The following TNRC18 variants were observed in gnomAD, a reference collection of about 807,000 sequenced individuals.
TNRC18 encodes trinucleotide repeat containing 18, also known as trinucleotide repeat-containing gene 18 protein.
TNRC18 carries 69 observed loss-of-function variants against 226.7 expected under a neutral mutation model. That is an observed-to-expected ratio of 0.30 (90% CI 0.25 to 0.37). The LOEUF is 0.37. Among genes scored for constraint, TNRC18 ranks in the 10% least tolerant of loss-of-function variants. The probability of loss-of-function intolerance (pLI) is 1.00; values close to 1 mark genes in which losing one functional copy is unlikely to be tolerated. For missense variants in TNRC18, 4,754 were observed against 4,256.6 expected, an observed-to-expected ratio of 1.12 and a Z score of -3.25; for synonymous variants, 2,449 against 1,927.6, an observed-to-expected ratio of 1.27 and a Z score of -7.09.
At chr7:5,420,680 G>A (rs533502933) in intron 2 of TNRC18, 9 of 494,044 alleles carry the variant, frequency 1.8e-5, no homozygotes, top group Non-Finnish European at 2.0e-5. Context: ...AAAAAGATTC[G>A]AGCTCGGGGA....
At chr7:5,400,615 T>A (rs1433844258) in intron 2 of TNRC18, among the ~76,000 whole-genome samples, 1 of 151,888 alleles carries the variant, frequency 6.6e-6, no homozygotes. Flanking sequence ...CTCTCTCAAA[T>A]AAATAAATAT....
At chr7:5,369,503 C>G (rs1240743145) in intron 11 of TNRC18, among the ~76,000 whole-genome samples, 2 of 152,154 alleles carry the variant, frequency 1.3e-5, no homozygotes, top group African/African-American at 4.8e-5. Context: ...CAGACCACCC[C>G]CCACCCCAGT....
intron 18 of TNRC18, 37 bp downstream of exon 18, chr7:5,345,525 C>CCCCCCCCCCCCCCCCCCCCCCCCCA: frequency 1.8e-5 from 4 of 217,342 alleles, no homozygotes; most frequent in Non-Finnish European, 3.8e-5. Flanking sequence ...CCGCCCCTCC[C>CCCCCCCCCCCCCCCCCCCCCCCCCA]ACCCACCCCC....
At chr7:5,343,638 G>T (rs947612549) in intron 18 of TNRC18, among the ~76,000 whole-genome samples, 1 of 152,272 alleles carries the variant, frequency 6.6e-6, no homozygotes, top group South Asian at 2.1e-4. Context: ...TGTTGCCCAG[G>T]CCGGTCTTGA....
At chr7:5,374,941 T>C (rs892701947) in intron 9 of TNRC18, among the ~76,000 whole-genome samples, 2 of 152,204 alleles carry the variant, frequency 1.3e-5, no homozygotes, top group African/African-American at 2.4e-5. Context: ...AAGCCAGGCA[T>C]GTCTTTTATG....
At chr7:5,393,374 G>A (rs1307860550) in intron 3 of TNRC18, among the ~76,000 whole-genome samples, 1 of 152,260 alleles carries the variant, frequency 6.6e-6, no homozygotes, top group Non-Finnish European at 1.5e-5. Flanking sequence ...TCTGTACAAT[G>A]GGCAAAGTAC....
In TNRC18 at chr7:5,324,306, G is replaced by A; in HGVS notation, c.6350C>T (p.Ala2117Val). 6.2e-7 allele frequency: 1 copy of A among 1,613,548 alleles called. No individual in the cohort carries two copies. The highest frequency in any genetic ancestry group is 8.5e-7 in the Non-Finnish European group (1 of 1,179,702). ...AVSKLMESMA[A>V]EEDFEPNQDS... The stretch of plus-strand genomic sequence containing the variant: ...TTGGTTGGGTTCAAAGTCCTCCTCG[G>A]CTGCCATGCTCTCCATCAGCTTGCT... The change falls in exon 21 of 30, where the codon GCC becomes GTC. Residue 2117 changes from alanine to valine, a missense_variant. Transcript: ENST00000430969. The surrounding 1 kb of genome is among the most constrained non-coding windows in gnomAD (Gnocchi z 4.8).
At chr7:5,379,511 C>T (rs1779249313) in intron 5 of TNRC18, among the ~76,000 whole-genome samples, 1 of 147,344 alleles carries the variant, frequency 6.8e-6, no homozygotes, top group Non-Finnish European at 1.5e-5. Flanking sequence ...CTCACCCATC[C>T]CTGTCCCTCC....
At chr7:5,379,729 A>C (rs1484718965) in intron 5 of TNRC18, among the ~76,000 whole-genome samples, 4 of 152,230 alleles carry the variant, frequency 2.6e-5, no homozygotes, top group African/African-American at 9.6e-5. Flanking sequence ...AATGGGAGGA[A>C]GCTGAGCCCC....
In TNRC18 at chr7:5,309,314, C is replaced by T. The variant is rs775718886; in HGVS notation, c.8443G>A (p.Gly2815Ser). The change falls in exon 28 of 30, where the codon GGC becomes AGC. Residue 2815 changes from glycine to serine, a missense_variant. Coordinates refer to ENST00000430969, the MANE Select transcript of TNRC18 (RefSeq NM_001080495.3). This position sits in a 1 kb window ranked among gnomAD's most constrained non-coding sequence, Gnocchi z 5.7. ...TCCCCGATACGGATCATCTCCTTGC[C>T]GCGCACGATGGCCTTGTAGAAGAGC... ...RKLFYKAIVR[G>S]KEMIRIGDCA... is the part of the protein sequence containing the mutation. 6.8e-6 allele frequency: 11 copies of T among 1,613,764 alleles called. No homozygotes were observed. The highest frequency in any genetic ancestry group is 1.7e-5 in the Admixed American group (1 of 60,002).
At chr7:5,408,725 G>A (rs1781648026) in intron 2 of TNRC18, among the ~76,000 whole-genome samples, 1 of 152,130 alleles carries the variant, frequency 6.6e-6, no homozygotes, top group Non-Finnish European at 1.5e-5. Context: ...TGGAGAGTGG[G>A]GAAAAGAAAC....
intron 5 of TNRC18, among the ~76,000 whole-genome samples, chr7:5,385,993 A>AAC: frequency 6.7e-6 from 1 of 149,230 alleles, no homozygotes. Context: ...AAAAAAAAAA[A>AAC]AAAAAAAAAA....
chr7:5,415,095 TC>T (rs140261801), intron 2 of TNRC18, among the ~76,000 whole-genome samples: 21 of 152,214 alleles, frequency 1.4e-4, no homozygotes, highest in East Asian at 5.8e-4. Context: ...AGTTTAAAAT[TC>T]CAAGACCTCA....
chr7:5,331,624 T>G (rs1481952414), intron 19 of TNRC18, among the ~76,000 whole-genome samples: 1 of 152,090 alleles, frequency 6.6e-6, no homozygotes, highest in Non-Finnish European at 1.5e-5. Flanking sequence ...TTACACTGCT[T>G]CAGAAGTACA....
chr7:5,307,952 TC>T lies in TNRC18; in HGVS notation c.*153del. 1 of 667,436 alleles carries T rather than the reference TC, an allele frequency of 1.5e-6. No homozygotes were observed. Among genetic ancestry groups the T allele is most frequent in the South Asian group, 1.8e-5 (1 of 54,346 alleles). 41.3% of individuals were successfully genotyped at this position (667,436 alleles called of 1,614,324 possible). On this transcript the variant is annotated 3_prime_UTR_variant, in exon 30 of 30. Transcript: ENST00000430969. Reference sequence around the variant, plus strand: ...TGCACACACGTGCATGCACACACACTCACCCGGGCATCCACGTGCACACCTG... The same window carrying T: ...TGCACACACGTGCATGCACACACACTACCCGGGCATCCACGTGCACACCTG...
At position 5,312,394 on chromosome 7, in the gene TNRC18, G is replaced by A; in HGVS notation, c.8388+109C>T. Reference sequence around the variant, plus strand: ...AGTGGGACGCCAGCCCTCCACCCTGGGGTTCTGGGAGGTTACCACACACGG... The same window carrying A: ...AGTGGGACGCCAGCCCTCCACCCTGAGGTTCTGGGAGGTTACCACACACGG... On this transcript the variant is annotated intron_variant, in intron 27 of 29. Coordinates refer to ENST00000430969, the MANE Select transcript of TNRC18 (RefSeq NM_001080495.3). This position sits in a 1 kb window ranked among gnomAD's most constrained non-coding sequence, Gnocchi z 6.3. The A allele has an allele frequency of 1.4e-6, 2 of 1,445,784 alleles. No homozygotes were observed. Among genetic ancestry groups the A allele is most frequent in the East Asian group, 2.5e-5 (1 of 40,304 alleles). 89.6% of individuals were successfully genotyped at this position (1,445,784 alleles called of 1,614,324 possible).
chr7:5,382,281 T>C (rs1176403465), intron 5 of TNRC18, among the ~76,000 whole-genome samples: 1 of 152,066 alleles, frequency 6.6e-6, no homozygotes, highest in African/African-American at 2.4e-5. Flanking sequence ...CACAGGGCCC[T>C]CTCCAGCCAC....
At position 5,377,937 on chromosome 7, in the gene TNRC18, T is replaced by C; in HGVS notation, c.2240A>G (p.Gln747Arg). The C allele has an allele frequency of 1.2e-6, 2 of 1,613,570 alleles. No individual in the cohort carries two copies. The highest frequency in any genetic ancestry group is 1.7e-6 in the Non-Finnish European group (2 of 1,179,784). ...RLLGARLDRD[Q>R]EKLLRESKEL... ...ACACCCTCACCTGAGCAGCTTCTCCTGATCCCGGTCCAGCCGTGCCCCGAG... is the reference window on the plus strand; with the variant it reads ...ACACCCTCACCTGAGCAGCTTCTCCCGATCCCGGTCCAGCCGTGCCCCGAG... The change falls in exon 6 of 30, where the codon CAG becomes CGG. Residue 747 changes from glutamine (Q) to arginine (R), a missense_variant. Gln to Arg is a conservative substitution (Grantham distance 43). Transcript: ENST00000430969. This position sits in a 1 kb window ranked among gnomAD's most constrained non-coding sequence, Gnocchi z 5.8.
intron 19 of TNRC18, among the ~76,000 whole-genome samples, chr7:5,327,515 C>T (rs1428866993): frequency 1.3e-5 from 2 of 152,056 alleles, no homozygotes; most frequent in East Asian, 1.9e-4. Context: ...TGGCGCTGTC[C>T]CCTTATCTCT....
Sources: allele counts gnomAD v4.1 joint callset (sites outside exome capture counted in the v4.1 genomes callset), GRCh38; gene constraint gnomAD v4.1.1; non-coding constraint Gnocchi (gnomAD v3.1); transcripts MANE v1.5; gene names NCBI Gene and HGNC (gene_info 2026-07-23, HGNC 2026-07-21).